CAST: variants seen among roughly 807,000 people sequenced by gnomAD.
CAST encodes MIR583 host.
A neutral mutation model predicts 119.6 loss-of-function variants in CAST; 76 were observed. That is an observed-to-expected ratio of 0.64 (90% CI 0.53 to 0.77). The LOEUF (loss-of-function observed/expected upper bound fraction) is 0.77, where lower values mean the gene tolerates loss of function less well. Ranked by LOEUF, CAST falls within the 30% of genes least tolerant of loss-of-function variation. The pLI, the probability that CAST is intolerant of heterozygous loss-of-function variation, is 0.00. For missense variants in CAST, 953 were observed against 946.5 expected (o/e 1.01, Z -0.09); for synonymous variants, 319 against 331.6 (o/e 0.96, Z 0.41).
intron 1 of CAST, among the ~76,000 whole-genome samples, chr5:96,638,171 C>T (rs1372999351): frequency 1.3e-5 from 2 of 151,724 alleles, no homozygotes; most frequent in African/African-American, 2.4e-5. Flanking sequence ...TTTGGGAGGC[C>T]GAGGCTGGCA....
intron 1 of CAST, among the ~76,000 whole-genome samples, chr5:96,564,126 A>G (rs927076930): frequency 1.3e-5 from 2 of 152,330 alleles, no homozygotes; most frequent in Middle Eastern, 3.4e-3. Flanking sequence ...CTTCTGAACA[A>G]TGGTTGATAT....
At chr5:96,168,781 C>T in the CAST span, among the ~76,000 whole-genome samples, 5 of 151,838 alleles carry the variant, frequency 3.3e-5, no homozygotes, top group African/African-American at 4.8e-5. Flanking sequence ...AAAGTCCGGG[C>T]CAGGAACAAT....
At chr5:96,437,062 G>A in the CAST span, among the ~76,000 whole-genome samples, 1 of 152,164 alleles carries the variant, frequency 6.6e-6, no homozygotes, top group African/African-American at 2.4e-5. Flanking sequence ...TACTCACCTG[G>A]CCTTCCCAAG....
At chr5:96,623,294 A>G (rs1268539464) in intron 1 of CAST, among the ~76,000 whole-genome samples, 4 of 152,220 alleles carry the variant, frequency 2.6e-5, no homozygotes, top group African/African-American at 9.6e-5. Flanking sequence ...CAACCTGTTA[A>G]GTGAACATTA....
chr5:96,097,563 C>T, the CAST span, among the ~76,000 whole-genome samples: 2 of 152,086 alleles, frequency 1.3e-5, no homozygotes, highest in African/African-American at 4.8e-5. Context: ...CTCCTACTTA[C>T]AAGTGACAAC....
chr5:95,966,865 C>T, the CAST span, among the ~76,000 whole-genome samples: 1,164 of 152,266 alleles, frequency 7.6e-3, 13 homozygotes, highest in African/African-American at 0.027. Flanking sequence ...GATTTGATTC[C>T]TCTAAACACC....
chr5:96,144,391 C>A, the CAST span, among the ~76,000 whole-genome samples: 3 of 152,104 alleles, frequency 2.0e-5, no homozygotes, highest in Non-Finnish European at 4.4e-5. Context: ...TTTTAAGGTG[C>A]TGAAAGCCTT....
the CAST span, among the ~76,000 whole-genome samples, chr5:96,367,795 G>C: frequency 0.055 from 8,327 of 152,034 alleles, 798 homozygotes; most frequent in African/African-American, 0.19. Context: ...GCCTCGCCCT[G>C]CTTTGGCTCA....
the CAST span, among the ~76,000 whole-genome samples, chr5:95,989,461 T>A: frequency 3.9e-5 from 6 of 152,174 alleles, no homozygotes; most frequent in African/African-American, 1.2e-4. Context: ...CCGTATTGGT[T>A]CATATAAGCT....
the CAST span, among the ~76,000 whole-genome samples, chr5:96,299,620 A>T: frequency 6.6e-6 from 1 of 152,190 alleles, no homozygotes; most frequent in Admixed American, 6.5e-5. Flanking sequence ...AAGCACTACT[A>T]CTAGAAGCTC....
chr5:96,358,812 T>A, the CAST span, among the ~76,000 whole-genome samples: 1 of 152,216 alleles, frequency 6.6e-6, no homozygotes, highest in Non-Finnish European at 1.5e-5. Flanking sequence ...ATTCTGTTGA[T>A]CTGTAGTGGA....
intron 1 of CAST, among the ~76,000 whole-genome samples, chr5:96,540,138 C>G (rs972468026): frequency 6.6e-6 from 1 of 152,082 alleles, no homozygotes; most frequent in East Asian, 1.9e-4. Flanking sequence ...TCTGTTTATA[C>G]ATATTAGCTC....
chr5:96,052,864 A>T, the CAST span, among the ~76,000 whole-genome samples: 1 of 152,274 alleles, frequency 6.6e-6, no homozygotes, highest in South Asian at 2.1e-4. Context: ...ATGGGAGAGG[A>T]GGAGAGGAAT....
chr5:96,046,815 C>A, the CAST span, among the ~76,000 whole-genome samples: 3 of 152,140 alleles, frequency 2.0e-5, no homozygotes, highest in Non-Finnish European at 4.4e-5. Flanking sequence ...AGGTGAAAGG[C>A]ACTTCTTACG....
At chr5:96,209,929 G>T in the CAST span, among the ~76,000 whole-genome samples, 1 of 151,492 alleles carries the variant, frequency 6.6e-6, no homozygotes, top group Admixed American at 6.6e-5. Context: ...ATGTTTCCAA[G>T]TTGCTTATTT....
the CAST span, among the ~76,000 whole-genome samples, chr5:96,311,033 T>C: frequency 6.6e-6 from 1 of 152,042 alleles, no homozygotes; most frequent in Non-Finnish European, 1.5e-5. Flanking sequence ...GTTTTTTTGC[T>C]ACCTTTCTTC....
chr5:95,981,853 A>G, the CAST span, among the ~76,000 whole-genome samples: 1 of 152,148 alleles, frequency 6.6e-6, no homozygotes, highest in South Asian at 2.1e-4. Flanking sequence ...CCAGCCTGGC[A>G]ACAGAGCGAG....
At chr5:96,485,779 C>T in the CAST span, among the ~76,000 whole-genome samples, 1 of 152,140 alleles carries the variant, frequency 6.6e-6, no homozygotes, top group African/African-American at 2.4e-5. Context: ...TCTTCAGCTT[C>T]ACCCCAGTCA....
chr5:96,683,882 G>C (rs1248001368), intron 2 of CAST, among the ~76,000 whole-genome samples: 1 of 152,188 alleles, frequency 6.6e-6, no homozygotes, highest in Admixed American at 6.5e-5. Context: ...AATTCTGAGA[G>C]AAATTTAGAA....
Sources: allele counts gnomAD v4.1 joint callset (sites outside exome capture counted in the v4.1 genomes callset), GRCh38; gene constraint gnomAD v4.1.1; transcripts MANE v1.5; gene names NCBI Gene and HGNC (gene_info 2026-07-23, HGNC 2026-07-21).